The following COL25A1 variants were observed in gnomAD, a reference collection of about 807,000 sequenced individuals.
COL25A1 encodes the protein collagen type XXV alpha 1 chain, also known as collagen alpha-1(XXV) chain.
In COL25A1, 103 loss-of-function variants were observed where a neutral mutation model predicts 128.4. The ratio of observed to expected loss-of-function variants is 0.80; its 90% CI spans 0.68 to 0.94. The LOEUF is 0.94. Among genes scored for constraint, COL25A1 ranks in the 40% least tolerant of loss-of-function variants. The pLI is 0.00. For missense variants in COL25A1, 745 were observed against 840.0 expected (o/e 0.89, Z 1.40); for synonymous variants, 279 against 277.2 (o/e 1.01, Z -0.06).
chr4:108,817,467 G>C, intron 36 of COL25A1, 32 bp from the exon 37 acceptor site: 1 of 1,605,454 alleles, frequency 6.2e-7, no homozygotes, highest in Non-Finnish European at 8.5e-7. Flanking sequence ...GAATTCCTCA[G>C]GTTCCATAAG....
intron 3 of COL25A1, among the ~76,000 whole-genome samples, chr4:109,253,937 A>T (rs1278319143): frequency 6.6e-6 from 1 of 151,922 alleles, no homozygotes; most frequent in African/African-American, 2.4e-5. Flanking sequence ...AATACAAAAA[A>T]TTATCCCGGT....
chr4:109,275,695 T>G (rs1722764331), intron 3 of COL25A1, among the ~76,000 whole-genome samples: 1 of 152,232 alleles, frequency 6.6e-6, no homozygotes, highest in Non-Finnish European at 1.5e-5. Context: ...CCAAGAAATA[T>G]TCATAGAAAC....
chr4:109,039,630 T>C (rs1759682240), intron 5 of COL25A1, among the ~76,000 whole-genome samples: 1 of 152,218 alleles, frequency 6.6e-6, no homozygotes. Flanking sequence ...AAGATTGCTA[T>C]GTTTTTGTTT....
Position 108,809,403 on chromosome 4 carries a change from T to C in COL25A1, c.*4524A>G, listed in dbSNP as rs1486466847. 1 of 152,128 alleles carries C rather than the reference T, an allele frequency of 6.6e-6. No individual in the cohort carries two copies. The highest frequency in any genetic ancestry group is 1.5e-5 in the Non-Finnish European group (1 of 67,958). 9.4% of individuals were successfully genotyped at this position (152,128 alleles called of 1,614,324 possible). ...AATATTCACATAAATGTCAACAGTATGTAAGACATTCTTTTGTGAATCCAA... is the reference window on the plus strand; with the variant it reads ...AATATTCACATAAATGTCAACAGTACGTAAGACATTCTTTTGTGAATCCAA... On this transcript the variant is annotated 3_prime_UTR_variant, in exon 38 of 38. Coordinates refer to ENST00000399132, the MANE Select transcript of COL25A1 (RefSeq NM_198721.4).
intron 30 of COL25A1, among the ~76,000 whole-genome samples, chr4:108,842,641 A>G (rs1734583504): frequency 6.6e-6 from 1 of 152,198 alleles, no homozygotes; most frequent in African/African-American, 2.4e-5. Flanking sequence ...AGTTTCAGAT[A>G]AGGATTTTCA....
intron 3 of COL25A1, among the ~76,000 whole-genome samples, chr4:109,234,837 TTCCC>T (rs1200335875): frequency 2.0e-5 from 3 of 152,090 alleles, no homozygotes; most frequent in African/African-American, 7.2e-5. Flanking sequence ...CATCCCGTTC[TTCCC>T]AACCTTAAAT....
intron 3 of COL25A1, among the ~76,000 whole-genome samples, chr4:109,261,538 A>G (rs1468872386): frequency 6.6e-6 from 1 of 152,032 alleles, no homozygotes; most frequent in African/African-American, 2.4e-5. Context: ...TAAAATAAAT[A>G]AATGCAAAGA....
intron 3 of COL25A1, among the ~76,000 whole-genome samples, chr4:109,134,497 G>A (rs937720990): frequency 1.1e-4 from 16 of 152,120 alleles, no homozygotes; most frequent in Non-Finnish European, 2.2e-4. Context: ...TCCCTCTAAA[G>A]GTTTTGGCAA....
intron 3 of COL25A1, among the ~76,000 whole-genome samples, chr4:109,181,983 A>G (rs1289362099): frequency 6.6e-6 from 1 of 152,080 alleles, no homozygotes; most frequent in Admixed American, 6.6e-5. Flanking sequence ...ATTTCACTTA[A>G]CATAATGTTT....
intron 19 of COL25A1, among the ~76,000 whole-genome samples, chr4:108,878,098 G>A (rs1033059174): frequency 1.1e-4 from 16 of 152,136 alleles, no homozygotes; most frequent in African/African-American, 3.4e-4. Flanking sequence ...AGAATTTACC[G>A]TCTGCTAAAT....
intron 36 of COL25A1, 54 bp downstream of exon 36, chr4:108,819,198 A>G (rs768479643): frequency 6.0e-6 from 8 of 1,335,892 alleles, no homozygotes; most frequent in Non-Finnish European, 8.4e-6. Flanking sequence ...AGAGATGAAC[A>G]TGTGATAAAC....
At chr4:109,274,323 G>C (rs1187136769) in intron 3 of COL25A1, among the ~76,000 whole-genome samples, 1 of 151,954 alleles carries the variant, frequency 6.6e-6, no homozygotes, top group African/African-American at 2.4e-5. Context: ...CATAAGGATG[G>C]ACATAACAAA....
At chr4:108,972,194 A>G (rs991951772) in intron 8 of COL25A1, among the ~76,000 whole-genome samples, 1 of 152,184 alleles carries the variant, frequency 6.6e-6, no homozygotes, top group Admixed American at 6.5e-5. Flanking sequence ...GAAATAAACT[A>G]TTGGAAACAA....
At chr4:109,293,988 A>C (rs540692821) in intron 3 of COL25A1, among the ~76,000 whole-genome samples, 3 of 152,272 alleles carry the variant, frequency 2.0e-5, no homozygotes, top group Non-Finnish European at 4.4e-5. Context: ...GAATTTATCT[A>C]CTAAATGAAC....
In COL25A1 at chr4:109,238,604, G is replaced by A. The variant is rs1316955994; in HGVS notation, c.367+61979C>T. 2.0e-5 allele frequency among the ~76,000 whole-genome samples: 3 copies of A among 151,926 alleles called. No individual in the cohort carries two copies. The East Asian group carries it at 5.8e-4, about 29-fold the overall frequency. ...ATCTCAATTTTCTGCCAAATGAATGGTCCTGTGTTTTGTGCTTGTTCGTTT... is the reference window on the plus strand; with the variant it reads ...ATCTCAATTTTCTGCCAAATGAATGATCCTGTGTTTTGTGCTTGTTCGTTT... On this transcript the variant is annotated intron_variant, in intron 3 of 37. Coordinates refer to ENST00000399132, the MANE Select transcript of COL25A1 (RefSeq NM_198721.4).
Position 109,161,453 on chromosome 4 carries a change from C to T in COL25A1, c.368-111274G>A, listed in dbSNP as rs549639866. On this transcript the variant is annotated intron_variant, in intron 3 of 37. Transcript: ENST00000399132. Reference sequence around the variant, plus strand: ...TTCTTTCTTTCTTATCCTTAAATATCTACATCAAGTAACATTATATTGTTA... The same window carrying T: ...TTCTTTCTTTCTTATCCTTAAATATTTACATCAAGTAACATTATATTGTTA... Among the ~76,000 whole-genome samples the T allele has an allele frequency of 3.9e-5, 6 of 152,142 alleles. No individual in the cohort carries two copies. The East Asian group carries it at 1.2e-3, about 29-fold the overall frequency.
Position 108,869,134 on chromosome 4 carries a change from A to G in COL25A1, c.1037T>C (p.Ile346Thr), listed in dbSNP as rs200894764. Residue 346 changes from isoleucine to threonine, a missense_variant, in exon 20 of 38, where the codon ATT (isoleucine) becomes ACT (threonine). Transcript: ENST00000399132. ...LPGIKGEPGF[I>T]GPQGEPGLPG... ...TAAGCCTGGTTCTCCTTGAGGACCAATGAAACCTGGTTCTCCCTTTAAAAA... is the reference window on the plus strand; with the variant it reads ...TAAGCCTGGTTCTCCTTGAGGACCAGTGAAACCTGGTTCTCCCTTTAAAAA... 1.6e-5 allele frequency: 25 copies of G among 1,542,802 alleles called. No individual in the cohort carries two copies. Among genetic ancestry groups the G allele is most frequent in the African/African-American group, 1.6e-4 (11 of 69,356 alleles).
At chr4:109,070,184 A>G (rs1579270601) in intron 3 of COL25A1, among the ~76,000 whole-genome samples, 1 of 151,578 alleles carries the variant, frequency 6.6e-6, no homozygotes, top group East Asian at 1.9e-4. Context: ...CATGAACCCA[A>G]GAGTTGGAGG....
At chr4:109,232,747 C>T (rs984865267) in intron 3 of COL25A1, among the ~76,000 whole-genome samples, 9 of 152,128 alleles carry the variant, frequency 5.9e-5, no homozygotes, top group African/African-American at 2.2e-4. Flanking sequence ...TCTCATTTTG[C>T]TATAATCGCC....
Sources: gnomAD v4.1 joint callset for allele counts (sites outside exome capture counted in the v4.1 genomes callset) on GRCh38, gnomAD v4.1.1 for gene constraint, MANE v1.5 for transcripts, NCBI Gene and HGNC (gene_info 2026-07-23, HGNC 2026-07-21) for gene names.